The following TENM3 variants were observed in gnomAD, a reference collection of about 807,000 sequenced individuals.
TENM3 encodes teneurin-3.
Under a neutral mutation model 255.1 loss-of-function variants are expected in TENM3, and 63 were observed. The observed-to-expected ratio is 0.25, with a 90% CI of 0.20 to 0.30. TENM3 has a LOEUF of 0.30. Among genes scored for constraint, TENM3 ranks in the 10% least tolerant of loss-of-function variants. The probability of loss-of-function intolerance (pLI) is 1.00; values close to 1 mark genes in which losing one functional copy is unlikely to be tolerated. For synonymous variants in TENM3, 1,306 were observed against 1,322.3 expected, an observed-to-expected ratio of 0.99 and a Z score of 0.27; for missense variants, 2,929 against 3,461.1, an observed-to-expected ratio of 0.85 and a Z score of 3.86.
the TENM3 span, among the ~76,000 whole-genome samples, chr4:181,666,670 C>G: frequency 1.3e-5 from 2 of 152,114 alleles, no homozygotes; most frequent in African/African-American, 2.4e-5. Flanking sequence ...ACAGTAGCTG[C>G]AGCAATTGTT....
chr4:182,613,562 C>T (rs761937400), intron 4 of TENM3, among the ~76,000 whole-genome samples: 2 of 152,046 alleles, frequency 1.3e-5, no homozygotes, highest in African/African-American at 4.8e-5. Flanking sequence ...ATAATTCTCC[C>T]GTTTACTTAA....
Position 182,166,068 on chromosome 4 carries a change from G to A in TENM3, c.-76+21314G>A, listed in dbSNP as rs866222655. On this transcript the variant is annotated intron_variant, in intron 1 of 2. Coordinates refer to the TENM3 transcript ENST00000512480. Reference sequence around the variant, plus strand: ...GCTGGGATTACAGGCGTGAGCCACCGCACCCGGCCTGTAAAAGCAGTTTTT... The same window carrying A: ...GCTGGGATTACAGGCGTGAGCCACCACACCCGGCCTGTAAAAGCAGTTTTT... Among the ~76,000 whole-genome samples, 85 of 152,220 alleles carry A rather than the reference G, an allele frequency of 5.6e-4. No individual in the cohort carries two copies. The Middle Eastern group carries it at 0.01, about 18-fold the overall frequency.
chr4:182,715,327 T>G (rs17328242), intron 13 of TENM3, among the ~76,000 whole-genome samples: 16,335 of 152,252 alleles, frequency 0.11, 1,186 homozygotes, highest in South Asian at 0.14. Flanking sequence ...CTGCTCTTTT[T>G]GAGACTGTGC....
chr4:182,449,612 C>T (rs574791798), intron 3 of TENM3, among the ~76,000 whole-genome samples: 59 of 152,238 alleles, frequency 3.9e-4, no homozygotes, highest in African/African-American at 1.4e-3. Flanking sequence ...GTGCAAAAAT[C>T]GGCATTGAGC....
At chr4:181,470,008 G>A in the TENM3 span, among the ~76,000 whole-genome samples, 5 of 150,778 alleles carry the variant, frequency 3.3e-5, no homozygotes, top group South Asian at 2.1e-4. Flanking sequence ...TAACATATGC[G>A]GTAATGAAAC....
At chr4:181,743,962 C>T in the TENM3 span, among the ~76,000 whole-genome samples, 1 of 152,040 alleles carries the variant, frequency 6.6e-6, no homozygotes, top group African/African-American at 2.4e-5. Flanking sequence ...TCTTGATGTT[C>T]TCCCTCCCCT....
chr4:181,929,591 T>C, the TENM3 span, among the ~76,000 whole-genome samples: 1 of 152,134 alleles, frequency 6.6e-6, no homozygotes, highest in Admixed American at 6.6e-5. Flanking sequence ...TGGGACACTT[T>C]AACACCCCAC....
the TENM3 span, among the ~76,000 whole-genome samples, chr4:182,117,377 C>G: frequency 5.3e-5 from 8 of 152,126 alleles, no homozygotes; most frequent in Non-Finnish European, 1.2e-4. Context: ...AAGTCATTGC[C>G]AAAGCCAAGG....
chr4:181,919,399 G>GTC, the TENM3 span, among the ~76,000 whole-genome samples: 1 of 151,912 alleles, frequency 6.6e-6, no homozygotes, highest in Non-Finnish European at 1.5e-5. Flanking sequence ...GTGTGTGTGT[G>GTC]TGTCTGGTGT....
chr4:181,461,606 A>G, the TENM3 span, among the ~76,000 whole-genome samples: 1 of 152,102 alleles, frequency 6.6e-6, no homozygotes, highest in Non-Finnish European at 1.5e-5. Flanking sequence ...CTACAATTTC[A>G]AGGTCAATAG....
chr4:182,674,978 G>C (rs1354515997), intron 7 of TENM3, among the ~76,000 whole-genome samples: 2 of 152,088 alleles, frequency 1.3e-5, no homozygotes, highest in Non-Finnish European at 2.9e-5. Context: ...CCGGGTTCAA[G>C]TGATTCTCCA....
intron 3 of TENM3, among the ~76,000 whole-genome samples, chr4:182,384,356 C>A: frequency 6.8e-6 from 1 of 147,252 alleles, no homozygotes; most frequent in Non-Finnish European, 1.5e-5. Context: ...TCATTTAGTA[C>A]CATTACTTTG....
chr4:182,606,418 G>A (rs1315928279), intron 4 of TENM3, among the ~76,000 whole-genome samples: 5 of 151,518 alleles, frequency 3.3e-5, no homozygotes, highest in Non-Finnish European at 7.4e-5. Flanking sequence ...CAGCTACTTG[G>A]CAGGCTGAGG....
At chr4:181,454,925 A>G in the TENM3 span, among the ~76,000 whole-genome samples, 1 of 147,176 alleles carries the variant, frequency 6.8e-6, no homozygotes, top group East Asian at 1.9e-4. Context: ...GCACATCAAC[A>G]AAATCACCTA....
At chr4:182,407,668 T>C (rs1769679190) in intron 3 of TENM3, among the ~76,000 whole-genome samples, 1 of 152,186 alleles carries the variant, frequency 6.6e-6, no homozygotes, top group African/African-American at 2.4e-5. Flanking sequence ...CCCGAACATA[T>C]TAAAGCTATA....
intron 3 of TENM3, among the ~76,000 whole-genome samples, chr4:182,493,195 T>A (rs907770033): frequency 6.6e-6 from 1 of 152,092 alleles, no homozygotes; most frequent in Non-Finnish European, 1.5e-5. Flanking sequence ...AGTTTCTAAG[T>A]GTTTTTGAAG....
chr4:182,197,199 C>T (rs1753883702), intron 1 of TENM3, among the ~76,000 whole-genome samples: 1 of 152,170 alleles, frequency 6.6e-6, no homozygotes, highest in Non-Finnish European at 1.5e-5. Flanking sequence ...TACACTGCAG[C>T]GGGCGTTCAG....
chr4:182,259,676 CTT>C (rs372836165), intron 1 of TENM3, among the ~76,000 whole-genome samples: 57 of 152,168 alleles, frequency 3.7e-4, no homozygotes, highest in African/African-American at 1.3e-3. Flanking sequence ...CATCTGATGA[CTT>C]AATACAAATC....
the TENM3 span, among the ~76,000 whole-genome samples, chr4:181,664,930 A>G: frequency 7.2e-5 from 11 of 152,134 alleles, no homozygotes; most frequent in East Asian, 2.1e-3. Flanking sequence ...TTCTTTTTTT[A>G]AAAAGCGAGA....
Sources: allele counts gnomAD v4.1 joint callset (sites outside exome capture counted in the v4.1 genomes callset), GRCh38; gene constraint gnomAD v4.1.1; transcripts MANE v1.5; gene names NCBI Gene and HGNC (gene_info 2026-07-23, HGNC 2026-07-21).